SCGB2A2: variants seen among roughly 807,000 people sequenced by gnomAD.
SCGB2A2 encodes secretoglobin family 2A member 2.
Under a neutral mutation model 8.8 loss-of-function variants are expected in SCGB2A2, and 11 were observed. The ratio of observed to expected loss-of-function variants is 1.25; its 90% CI spans 0.79 to 2.07. The LOEUF is 2.07. SCGB2A2 is among the 30% of genes most tolerant of loss of function. The probability of loss-of-function intolerance (pLI) is 0.00; values close to 1 mark genes in which losing one functional copy is unlikely to be tolerated. For synonymous variants in SCGB2A2, 42 were observed against 40.9 expected (o/e 1.03, Z -0.10); for missense variants, 113 against 109.9 (o/e 1.03, Z -0.13).
Position 62,273,148 on chromosome 11 carries a change from T to G in SCGB2A2, c.*153T>G. The G allele has an allele frequency of 1.9e-6, 1 of 535,446 alleles. No individual in the cohort carries two copies. Among genetic ancestry groups the G allele is most frequent in the South Asian group, 3.6e-5 (1 of 28,016 alleles). 33.2% of individuals were successfully genotyped at this position (535,446 alleles called of 1,614,324 possible). A position where few individuals can be genotyped will look rare whatever the true frequency, so the allele number is the denominator to read the frequency against. Reference sequence around the variant, plus strand: ...TGCTATACATGTTTATTTTAATAAATTGATGGCAAAAACTGAAGTTTCTCT... The same window carrying G: ...TGCTATACATGTTTATTTTAATAAAGTGATGGCAAAAACTGAAGTTTCTCT... On this transcript the variant is annotated 3_prime_UTR_variant, in exon 3 of 3. Transcript: ENST00000227918.
At chr11:62,271,929 C>T (rs4963488) in intron 2 of SCGB2A2, 921,367 of 974,028 alleles carry the variant, frequency 0.95, 436,778 homozygotes, top group South Asian at 0.99. Flanking sequence ...GGAAGAATTG[C>T]CTCAAACAAA....
Position 62,273,084 on chromosome 11 carries a change from T to C in SCGB2A2, c.*89T>C, listed in dbSNP as rs878924945. 2.2e-6 allele frequency: 2 copies of C among 907,772 alleles called. No individual in the cohort carries two copies. Among genetic ancestry groups the C allele is most frequent in the Non-Finnish European group, 3.4e-6 (2 of 581,192 alleles). 56.2% of individuals were successfully genotyped at this position (907,772 alleles called of 1,614,324 possible). A position where few individuals can be genotyped will look rare whatever the true frequency, so the allele number is the denominator to read the frequency against. On this transcript the variant is annotated 3_prime_UTR_variant, in exon 3 of 3. Coordinates refer to ENST00000227918, the MANE Select transcript of SCGB2A2 (RefSeq NM_002411.4). The stretch of plus-strand genomic sequence containing the variant: ...TGCAAACCACACCTTCTCTTTCTTA[T>C]GTCTTTTTACTACAAACTACAAGAC...
chr11:62,270,160 A>G lies in SCGB2A2; in HGVS notation c.-57A>G. The G allele has an allele frequency of 6.4e-7, 1 of 1,557,022 alleles. No homozygotes were observed. The highest frequency in any genetic ancestry group is 2.2e-5 in the East Asian group (1 of 44,534). On this transcript the variant is annotated 5_prime_UTR_variant, in exon 1 of 3. Coordinates refer to ENST00000227918, the MANE Select transcript of SCGB2A2 (RefSeq NM_002411.4). ...AGCAAGGCTGGGTGCTCACCTCCAC[A>G]GCGGCTTCCTTGATCCTTGCCACCC...
chr11:62,272,718 C>T (rs1437748961), intron 2 of SCGB2A2, among the ~76,000 whole-genome samples: 1 of 132,542 alleles, frequency 7.5e-6, no homozygotes, highest in Non-Finnish European at 1.5e-5. Context: ...GTAATATAGT[C>T]ACGTATTTGT....
intron 1 of SCGB2A2, among the ~76,000 whole-genome samples, 189 bp from the exon 2 acceptor site, chr11:62,270,689 AAAG>A (rs752766881): frequency 1.3e-5 from 2 of 152,158 alleles, no homozygotes; most frequent in African/African-American, 2.4e-5. Flanking sequence ...GAGTGGAGAG[AAAG>A]AAGTTGCAGG....
chr11:62,271,558 C>T, intron 2 of SCGB2A2: 1 of 1,093,328 alleles, frequency 9.1e-7, no homozygotes, highest in African/African-American at 1.6e-5. Context: ...CAAACACAAA[C>T]ACACAGACAG....
chr11:62,271,582 C>T (rs1183541869), intron 2 of SCGB2A2: 2 of 1,055,556 alleles, frequency 1.9e-6, no homozygotes, highest in Admixed American at 4.8e-5. Flanking sequence ...CACACAACCA[C>T]AGAAACACAG....
rs910416885 is a variant in SCGB2A2 at position 62,270,331 on chromosome 11, G to A, written c.55+60G>A. On this transcript the variant is annotated intron_variant, in intron 1 of 2. Coordinates refer to ENST00000227918, the MANE Select transcript of SCGB2A2 (RefSeq NM_002411.4). ...AGGGGTTGTCACTTGGGCCTCTATG[G>A]AAGAACTCCTGCTCCCCAATTCTCA... is the stretch of plus-strand genomic sequence containing the variant. 12 of 1,461,088 alleles carry A rather than the reference G, an allele frequency of 8.2e-6. No individual in the cohort carries two copies. The African/African-American group carries it at 1.1e-4, about 14-fold the overall frequency. The allele number at this position is 1,461,088 out of a possible 1,614,324, so 90.5% of individuals were successfully genotyped here.
At chr11:62,272,042 T>TTAAAAAAAAA (rs1252207980) in intron 2 of SCGB2A2, 4 of 215,054 alleles carry the variant, frequency 1.9e-5, no homozygotes, top group Admixed American at 3.3e-4. Context: ...CCTTCCCTGG[T>TTAAAAAAAAA]AAAAAAAAAA....
intron 1 of SCGB2A2, 75 bp from the exon 2 acceptor site, chr11:62,270,806 G>C: frequency 9.4e-7 from 1 of 1,062,134 alleles, no homozygotes; most frequent in Non-Finnish European, 1.4e-6. Context: ...GTAAGAAGAT[G>C]AGGAATGTAA....
At position 62,273,097 on chromosome 11, in the gene SCGB2A2, C is replaced by G. The variant is rs919127003; in HGVS notation, c.*102C>G. Reference sequence around the variant, plus strand: ...TTCTCTTTCTTATGTCTTTTTACTACAAACTACAAGACAATTGTTGAAACC... The same window carrying G: ...TTCTCTTTCTTATGTCTTTTTACTAGAAACTACAAGACAATTGTTGAAACC... On this transcript the variant is annotated 3_prime_UTR_variant, in exon 3 of 3. Coordinates refer to ENST00000227918, the MANE Select transcript of SCGB2A2 (RefSeq NM_002411.4). The G allele has an allele frequency of 2.5e-6, 2 of 805,722 alleles. No homozygotes were observed. Among genetic ancestry groups the G allele is most frequent in the African/African-American group, 3.5e-5 (2 of 57,248 alleles). 49.9% of individuals were successfully genotyped at this position (805,722 alleles called of 1,614,324 possible).
rs1339142984 is a variant in SCGB2A2, at chr11:62,272,946, T to G, written c.244-11T>G. 6.3e-7 allele frequency: 1 copy of G among 1,594,084 alleles called. No individual in the cohort carries two copies. Among genetic ancestry groups the G allele is most frequent in the Admixed American group, 1.7e-5 (1 of 57,490 alleles). On this transcript the variant is annotated splice_polypyrimidine_tract_variant and intron_variant, in intron 2 of 2. Coordinates refer to ENST00000227918, the MANE Select transcript of SCGB2A2 (RefSeq NM_002411.4). ...GAAAATCTAAGTGATGTCTCTGTTTTTGCTTTCTAGCAATTAATATATGAC... is the reference window on the plus strand; with the variant it reads ...GAAAATCTAAGTGATGTCTCTGTTTGTGCTTTCTAGCAATTAATATATGAC...
chr11:62,271,877 C>G (rs1315405563), intron 2 of SCGB2A2: 1 of 984,762 alleles, frequency 1.0e-6, no homozygotes, highest in Non-Finnish European at 1.2e-6. Flanking sequence ...CTTGGACTAT[C>G]CAATAGGCAA....
intron 2 of SCGB2A2, chr11:62,271,559 A>T: frequency 1.8e-6 from 2 of 1,089,122 alleles, no homozygotes; most frequent in Non-Finnish European, 2.2e-6. Flanking sequence ...AAACACAAAC[A>T]CACAGACAGA....
At chr11:62,270,666 T>C (rs1046421346) in intron 1 of SCGB2A2, among the ~76,000 whole-genome samples, 2 of 152,214 alleles carry the variant, frequency 1.3e-5, no homozygotes, top group South Asian at 4.1e-4. Flanking sequence ...AGGTTTAGCT[T>C]TTCTGGGCTG....
At chr11:62,271,915 T>C (rs1356863413) in intron 2 of SCGB2A2, 1 of 981,510 alleles carries the variant, frequency 1.0e-6, no homozygotes, top group Non-Finnish European at 1.2e-6. Flanking sequence ...GAAACCACCA[T>C]GGAGGAAGAA....
chr11:62,271,069 G>A lies in SCGB2A2; in HGVS notation c.243+1G>A. Reference sequence around the variant, plus strand: ...TCTGAGCAATGTTGAGGTGTTTATGGTAATTTCATTTTCTTCCTATAAGCT... The same window carrying A: ...TCTGAGCAATGTTGAGGTGTTTATGATAATTTCATTTTCTTCCTATAAGCT... On this transcript the variant is annotated splice_donor_variant, in intron 2 of 2. Coordinates refer to ENST00000227918, the MANE Select transcript of SCGB2A2 (RefSeq NM_002411.4). LOFTEE classifies it high-confidence loss of function. 1.2e-6 allele frequency: 2 copies of A among 1,614,172 alleles called. No homozygotes were observed. Among genetic ancestry groups the A allele is most frequent in the South Asian group, 1.1e-5 (1 of 91,080 alleles).
intron 2 of SCGB2A2, chr11:62,272,042 TAAAAAAAAAA>T: frequency 1.4e-5 from 3 of 212,266 alleles, no homozygotes; most frequent in Non-Finnish European, 1.8e-5. Context: ...CCTTCCCTGG[TAAAAAAAAAA>T]AAAAAAAAAA....
Position 62,270,986 on chromosome 11 carries a change from C to A in SCGB2A2, c.161C>A (p.Ala54Asp). ...CTTCAAGAGTTCATAGACGACAATG[C>A]CACTACAAATGCCATAGATGAATTG... is the stretch of plus-strand genomic sequence containing the variant. ...ELLQEFIDDN[A>D]TTNAIDELKE... is the part of the protein sequence containing the mutation. The change falls in exon 2 of 3, where the codon GCC (alanine) becomes GAC (aspartate). Residue 54 changes from alanine (A) to aspartate (D), a missense_variant. Coordinates refer to ENST00000227918, the MANE Select transcript of SCGB2A2 (RefSeq NM_002411.4). The A allele has an allele frequency of 2.5e-6, 4 of 1,613,902 alleles. No individual in the cohort carries two copies. The South Asian group carries it at 4.4e-5, about 18-fold the overall frequency.
Sources: allele counts gnomAD v4.1 joint callset (sites outside exome capture counted in the v4.1 genomes callset), GRCh38; gene constraint gnomAD v4.1.1; transcripts MANE v1.5; gene names NCBI Gene and HGNC (gene_info 2026-07-23, HGNC 2026-07-21).